Variants in MCMBP observed in about 807,000 individuals in gnomAD.
MCMBP encodes the protein minichromosome maintenance complex binding protein, also known as mini-chromosome maintenance complex-binding protein.
A neutral mutation model predicts 81.3 loss-of-function variants in MCMBP; 31 were observed. The ratio of observed to expected loss-of-function variants is 0.38; its 90% CI spans 0.29 to 0.51. The LOEUF is 0.51. Among genes scored for constraint, MCMBP ranks in the 20% least tolerant of loss-of-function variants. The pLI is 0.87. For synonymous variants in MCMBP, 267 were observed against 275.9 expected (o/e 0.97, Z 0.32); for missense variants, 645 against 772.1 (o/e 0.84, Z 1.95).
chr10:119,832,278 ACT>A (rs760078495), intron 14 of MCMBP, among the ~76,000 whole-genome samples, 178 bp from the exon 15 acceptor site: 5 of 152,190 alleles, frequency 3.3e-5, no homozygotes, highest in Non-Finnish European at 4.4e-5. Flanking sequence ...AAATAATGAA[ACT>A]CAGATTCATT....
rs1852329431 is a variant in MCMBP, at chr10:119,838,535, C to T, written c.1408G>A (p.Gly470Ser). Residue 470 changes from glycine to serine, a missense_variant and splice_region_variant, in exon 12 of 16, where the codon GGT becomes AGT. Physicochemically the swap from Gly to Ser is moderately conservative, Grantham distance 56. Transcript: ENST00000369077. ...LLEQGQLDTP[G>S]VHNVTALSNL... The stretch of plus-strand genomic sequence containing the variant: ...GGAAGAGAAACATCTATGTACGTAC[C>T]TGGGGTATCCAGCTGCCCCTGTTCC... 6.2e-7 allele frequency: 1 copy of T among 1,613,392 alleles called. No individual in the cohort carries two copies. The highest frequency in any genetic ancestry group is 1.3e-5 in the African/African-American group (1 of 74,966).
At chr10:119,858,720 A>G (rs1853139751) in intron 4 of MCMBP, among the ~76,000 whole-genome samples, 164 bp downstream of exon 4, 1 of 152,218 alleles carries the variant, frequency 6.6e-6, no homozygotes, top group Non-Finnish European at 1.5e-5. Context: ...AGGATTAAAA[A>G]AAAGTCACAT....
Position 119,843,261 on chromosome 10 carries a change from G to T in MCMBP, c.993C>A (p.Ser331Arg). ...LLPACLNKEE[S>R]KTFVSSFMSE... ...TGTAACACTTACACTTACAGGTTTT[G>T]CTCTCCTCTTTGTTAAGGCAGGCAG... The change falls in exon 9 of 16, where the codon AGC (serine) becomes AGA (arginine). Residue 331 changes from serine to arginine, a missense_variant. Transcript: ENST00000369077. The T allele has an allele frequency of 6.2e-7, 1 of 1,613,554 alleles. No homozygotes were observed. The highest frequency in any genetic ancestry group is 8.5e-7 in the Non-Finnish European group (1 of 1,179,672).
At chr10:119,831,758 A>G (rs1852046028) in intron 15 of MCMBP, among the ~76,000 whole-genome samples, 158 bp from the exon 16 acceptor site, 1 of 152,250 alleles carries the variant, frequency 6.6e-6, no homozygotes, top group South Asian at 2.1e-4. Context: ...TTAGGCTTCT[A>G]AAAAGAAATC....
At position 119,872,718 on chromosome 10, in the gene MCMBP, C is replaced by G. The variant is rs1437464215; in HGVS notation, c.-134G>C. The G allele has an allele frequency of 6.9e-6, 2 of 290,698 alleles. No individual in the cohort carries two copies. The highest frequency in any genetic ancestry group is 1.1e-5 in the Non-Finnish European group (2 of 181,100). The allele number at this position is 290,698 out of a possible 1,614,324, so 18.0% of individuals were successfully genotyped here. On this transcript the variant is annotated 5_prime_UTR_variant, in exon 1 of 16. Transcript: ENST00000369077. ...CCGCGTTCGCTCGCGCCCTCCCACGCACAGCGAGCCGCGGGGCGCGGGCCT... is the reference window on the plus strand; with the variant it reads ...CCGCGTTCGCTCGCGCCCTCCCACGGACAGCGAGCCGCGGGGCGCGGGCCT...
Position 119,835,529 on chromosome 10 carries a change from C to G in MCMBP, c.1707+11G>C, listed in dbSNP as rs1427298057. On this transcript the variant is annotated intron_variant, in intron 14 of 15. Transcript: ENST00000369077. ...AACACAGGGAAATCCTTTATTTTAA[C>G]CTAGACATACCTTGGTTATTTCATC... is the stretch of plus-strand genomic sequence containing the variant. The G allele has an allele frequency of 1.2e-6, 2 of 1,608,368 alleles. No individual in the cohort carries two copies. The highest frequency in any genetic ancestry group is 4.5e-5 in the East Asian group (2 of 44,716).
rs532696042 is a variant in MCMBP at position 119,840,794 on chromosome 10, A to AT, written c.1242+48dup. 567 of 1,095,040 alleles carry AT rather than the reference A, an allele frequency of 5.2e-4. 5 individuals carry two copies. The African/African-American group carries it at 7.9e-3, about 15-fold the overall frequency. The allele number at this position is 1,095,040 out of a possible 1,614,324, so 67.8% of individuals were successfully genotyped here. A position where few individuals can be genotyped will look rare whatever the true frequency, so the allele number is the denominator to read the frequency against. ...AAGTGAATGAAAGACAGTTAGATGG[A>AT]TTTTTTAAGTGTGCTTAGGTTTATA... is the stretch of plus-strand genomic sequence containing the variant. On this transcript the variant is annotated intron_variant, in intron 11 of 15. Coordinates refer to ENST00000369077, the MANE Select transcript of MCMBP (RefSeq NM_001256378.2).
intron 14 of MCMBP, 62 bp from the exon 15 acceptor site, chr10:119,832,162 G>T: frequency 6.9e-7 from 1 of 1,454,764 alleles, no homozygotes; most frequent in Non-Finnish European, 9.5e-7. Context: ...AATTAACATG[G>T]TTCCTTGACT....
chr10:119,872,404 C>T (rs1304353644), intron 1 of MCMBP, 123 bp downstream of exon 1: 5 of 460,188 alleles, frequency 1.1e-5, no homozygotes, highest in Admixed American at 5.3e-5. Context: ...GGCCCCGGGG[C>T]CCCGTCTCGG....
Position 119,842,656 on chromosome 10 carries a change from G to A in MCMBP, c.1001-61C>T, listed in dbSNP as rs878987617. ...ACTCCAGTTCCTCTCAAGTGTCTTA[G>A]GTAAAAAAATAACTACGTGAGCAAA... On this transcript the variant is annotated intron_variant, in intron 9 of 15. Transcript: ENST00000369077. 1.9e-6 allele frequency: 3 copies of A among 1,553,006 alleles called. No homozygotes were observed. The Admixed American group carries it at 6.1e-5, about 31-fold the overall frequency.
intron 13 of MCMBP, among the ~76,000 whole-genome samples, chr10:119,836,343 G>T (rs533362895): frequency 6.6e-6 from 1 of 152,080 alleles, no homozygotes; most frequent in African/African-American, 2.4e-5. Flanking sequence ...AGTCAAAGGC[G>T]GTTTCTCATC....
chr10:119,838,694 G>A lies in MCMBP; in HGVS notation c.1249C>T (p.Arg417Cys), dbSNP rs1051951158. The A allele has an allele frequency of 3.8e-6, 6 of 1,599,956 alleles. No individual in the cohort carries two copies. The highest frequency in any genetic ancestry group is 2.2e-5 in the South Asian group (2 of 89,172). The change falls in exon 12 of 16, where the codon CGT becomes TGT. Residue 417 changes from arginine to cysteine, a missense_variant. Transcript: ENST00000369077. ...IIQHLVPASF[R>C]LQMTIENMNH... ...ATGTTCTCTATAGTCATCTGCAGAC[G>A]AAAAGACTGCAAAGAGAAATTTTTT...
chr10:119,868,605 G>T (rs1853557758), intron 1 of MCMBP, among the ~76,000 whole-genome samples: 2 of 152,126 alleles, frequency 1.3e-5, no homozygotes, highest in South Asian at 4.1e-4. Flanking sequence ...GCAGATACAG[G>T]GGCCCTGAAT....
At chr10:119,868,030 GCT>G (rs1853533961) in intron 1 of MCMBP, among the ~76,000 whole-genome samples, 1 of 152,184 alleles carries the variant, frequency 6.6e-6, no homozygotes, top group Non-Finnish European at 1.5e-5. Context: ...ACCCAACCCT[GCT>G]CTTTTTTGCA....
intron 9 of MCMBP, 33 bp downstream of exon 9, chr10:119,843,221 G>C (rs1169222769): frequency 6.2e-7 from 1 of 1,611,554 alleles, no homozygotes. Context: ...GCTAACAGTC[G>C]ATAGTTGACT....
At chr10:119,842,380 G>C in intron 10 of MCMBP, 92 bp downstream of exon 10, 1 of 1,430,102 alleles carries the variant, frequency 7.0e-7, no homozygotes, top group Non-Finnish European at 9.5e-7. Context: ...AGCCCAATAA[G>C]GAAAACACAC....
intron 8 of MCMBP, among the ~76,000 whole-genome samples, chr10:119,844,215 C>T (rs189026097): frequency 3.9e-4 from 60 of 152,312 alleles, no homozygotes; most frequent in African/African-American, 1.4e-3. Flanking sequence ...CCCTCGAAGA[C>T]TGAGTAGACA....
chr10:119,848,166 TAAAA>T (rs61603072), intron 7 of MCMBP, among the ~76,000 whole-genome samples: 1 of 138,616 alleles, frequency 7.2e-6, no homozygotes, highest in African/African-American at 2.7e-5. Flanking sequence ...TTTCACAATT[TAAAA>T]AAAAAAAAAA....
At position 119,831,608 on chromosome 10, in the gene MCMBP, G is replaced by A. The variant is rs976261263; in HGVS notation, c.1797-8C>T. The A allele has an allele frequency of 6.2e-7, 1 of 1,608,194 alleles. No homozygotes were observed. The highest frequency in any genetic ancestry group is 1.7e-5 in the Admixed American group (1 of 58,276). ...GCACTGAGAGACAGACACCTGGTTT[G>A]AAACACAGAAACAAATTTAAGTCTA... On this transcript the variant is annotated splice_region_variant and splice_polypyrimidine_tract_variant and intron_variant, in intron 15 of 15. Transcript: ENST00000369077.
Sources: allele counts gnomAD v4.1 joint callset (sites outside exome capture counted in the v4.1 genomes callset), GRCh38; gene constraint gnomAD v4.1.1; transcripts MANE v1.5; gene names NCBI Gene and HGNC (gene_info 2026-07-23, HGNC 2026-07-21).